Variants in IL1RAPL1 observed in about 807,000 individuals in gnomAD.
The protein encoded by IL1RAPL1 is interleukin-1 receptor accessory protein-like 1.
IL1RAPL1 carries 3 observed loss-of-function variants against 48.4 expected under a neutral mutation model. The ratio of observed to expected loss-of-function variants is 0.06; its 90% confidence interval spans 0.03 to 0.16. The LOEUF (loss-of-function observed/expected upper bound fraction) is 0.16, where lower values mean the gene tolerates loss of function less well. Ranked by LOEUF, IL1RAPL1 falls within the 10% of genes least tolerant of loss-of-function variation. The pLI is 1.00. For missense variants in IL1RAPL1, 349 were observed against 530.6 expected (o/e 0.66, Z 3.36); for synonymous variants, 185 against 187.7 (o/e 0.99, Z 0.12).
chrX:29,388,605 G>A (rs977286659), intron 3 of IL1RAPL1, among the ~76,000 whole-genome samples: 6 of 112,137 alleles, frequency 5.4e-5, no homozygotes, highest in African/African-American at 1.9e-4. Context: ...CAAAAGAAAG[G>A]AATGAAGTAC....
chrX:29,458,096 A>G (rs1281792879), intron 5 of IL1RAPL1, among the ~76,000 whole-genome samples: 1 of 112,107 alleles, frequency 8.9e-6, no homozygotes, highest in Non-Finnish European at 1.9e-5. Flanking sequence ...CATCCTTTGA[A>G]AAGTGTCTGT....
At chrX:29,598,317 C>T (rs1463247972) in intron 5 of IL1RAPL1, among the ~76,000 whole-genome samples, 2 of 112,026 alleles carry the variant, frequency 1.8e-5, no homozygotes, top group African/African-American at 6.5e-5. Context: ...ATTTAACTTC[C>T]ATGTATTTGC....
chrX:28,711,761 A>T (rs1280220260), intron 1 of IL1RAPL1, among the ~76,000 whole-genome samples: 1 of 105,558 alleles, frequency 9.5e-6, no homozygotes, highest in Non-Finnish European at 1.9e-5. Flanking sequence ...TTTATATATT[A>T]TATATATAAT....
At chrX:29,361,129 G>A (rs1249920515) in intron 3 of IL1RAPL1, among the ~76,000 whole-genome samples, 1 of 111,866 alleles carries the variant, frequency 8.9e-6, no homozygotes, top group African/African-American at 3.2e-5. Flanking sequence ...AACCACAGCT[G>A]ACATCCTCAC....
At chrX:29,023,725 G>C in intron 2 of IL1RAPL1, among the ~76,000 whole-genome samples, 1 of 112,124 alleles carries the variant, frequency 8.9e-6, no homozygotes, top group East Asian at 2.8e-4. Flanking sequence ...CTTATGTCTT[G>C]ATACCTTCCT....
intron 2 of IL1RAPL1, among the ~76,000 whole-genome samples, chrX:29,107,434 A>G (rs1305026675): frequency 8.9e-6 from 1 of 112,207 alleles, no homozygotes; most frequent in Non-Finnish European, 1.9e-5. Flanking sequence ...CATTGAAAAC[A>G]CTTTGCATTT....
At chrX:29,131,944 A>G (rs1159639690) in intron 2 of IL1RAPL1, among the ~76,000 whole-genome samples, 1 of 111,675 alleles carries the variant, frequency 9.0e-6, no homozygotes, top group Non-Finnish European at 1.9e-5. Flanking sequence ...CAGCCCTCCC[A>G]GTATCTGTGA....
At chrX:29,079,942 C>T (rs1927763832) in intron 2 of IL1RAPL1, among the ~76,000 whole-genome samples, 1 of 111,393 alleles carries the variant, frequency 9.0e-6, no homozygotes, top group Non-Finnish European at 1.9e-5. Flanking sequence ...ACCAACAAAC[C>T]AATTTTGAAT....
chrX:29,580,366 C>T (rs923420951), intron 5 of IL1RAPL1, among the ~76,000 whole-genome samples: 5 of 111,332 alleles, frequency 4.5e-5, no homozygotes, highest in African/African-American at 1.6e-4. Context: ...ATACATTTTA[C>T]CAGCCTTGAT....
chrX:29,181,189 A>G (rs1410934506), intron 2 of IL1RAPL1, among the ~76,000 whole-genome samples: 2 of 111,582 alleles, frequency 1.8e-5, no homozygotes, highest in Non-Finnish European at 3.8e-5. Context: ...AGTGAAAACA[A>G]TAATAGTCTC....
chrX:29,896,477 G>A (rs774964587), intron 6 of IL1RAPL1, among the ~76,000 whole-genome samples: 1 of 112,191 alleles, frequency 8.9e-6, no homozygotes, highest in African/African-American at 3.2e-5. Context: ...TGGAGTTTGT[G>A]TGTATACACA....
intron 1 of IL1RAPL1, among the ~76,000 whole-genome samples, chrX:28,633,785 A>G (rs1178396218): frequency 8.9e-6 from 1 of 112,022 alleles, no homozygotes; most frequent in Non-Finnish European, 1.9e-5. Flanking sequence ...ATTTTTTACC[A>G]TTATGTAAAA....
chrX:28,774,093 C>G (rs1451866542), intron 1 of IL1RAPL1, among the ~76,000 whole-genome samples: 1 of 111,663 alleles, frequency 9.0e-6, no homozygotes, highest in Non-Finnish European at 1.9e-5. Flanking sequence ...TTTACTGATT[C>G]TTTTTTTCGA....
At chrX:29,464,749 A>G (rs1339712255) in intron 5 of IL1RAPL1, among the ~76,000 whole-genome samples, 1 of 112,414 alleles carries the variant, frequency 8.9e-6, no homozygotes, top group Non-Finnish European at 1.9e-5. Context: ...CTATGCAGCC[A>G]TAAAAAAGAA....
At chrX:29,255,708 G>T in intron 2 of IL1RAPL1, among the ~76,000 whole-genome samples, 1 of 111,268 alleles carries the variant, frequency 9.0e-6, no homozygotes, top group African/African-American at 3.3e-5. Flanking sequence ...AGAACATGTG[G>T]TAATTGGTTT....
chrX:29,948,292 G>C (rs137909485), intron 9 of IL1RAPL1, among the ~76,000 whole-genome samples: 1,755 of 111,142 alleles, frequency 0.016, 39 homozygotes, highest in African/African-American at 0.054. Flanking sequence ...AAATAATCCA[G>C]AAAAGTACCA....
chrX:28,943,393 A>G (rs998887285), intron 2 of IL1RAPL1, among the ~76,000 whole-genome samples: 1 of 110,141 alleles, frequency 9.1e-6, no homozygotes, highest in South Asian at 3.7e-4. Flanking sequence ...GATGAGGACA[A>G]TATGGTTATG....
intron 3 of IL1RAPL1, among the ~76,000 whole-genome samples, chrX:29,328,820 A>AT (rs200668998): frequency 0.014 from 1,537 of 109,786 alleles, 23 homozygotes; most frequent in African/African-American, 0.048. Context: ...TTATACTGTG[A>AT]TTTTTTCTTA....
chrX:29,564,177 A>G (rs1335951249), intron 5 of IL1RAPL1, among the ~76,000 whole-genome samples: 1 of 111,917 alleles, frequency 8.9e-6, no homozygotes, highest in Non-Finnish European at 1.9e-5. Context: ...GGCACCTTCA[A>G]AGGTGACCCA....
Sources: gnomAD v4.1 joint callset for allele counts (sites outside exome capture counted in the v4.1 genomes callset) on GRCh38, gnomAD v4.1.1 for gene constraint, MANE v1.5 for transcripts, NCBI Gene and HGNC (gene_info 2026-07-23, HGNC 2026-07-21) for gene names.